The following XIRP2 variants were observed in gnomAD, a reference collection of about 807,000 sequenced individuals.
XIRP2 encodes the protein xin actin-binding repeat-containing protein 2.
XIRP2 carries 236 observed loss-of-function variants against 277.0 expected under a neutral mutation model. The ratio of observed to expected loss-of-function variants is 0.85; its 90% CI spans 0.77 to 0.95. The LOEUF is 0.95. Among genes scored for constraint, XIRP2 ranks in the 40% least tolerant of loss-of-function variants. The pLI, the probability that XIRP2 is intolerant of heterozygous loss-of-function variation, is 0.00. For missense variants in XIRP2, 4,640 were observed against 4,157.5 expected, an observed-to-expected ratio of 1.12 and a Z score of -3.19; for synonymous variants, 1,490 against 1,416.5, an observed-to-expected ratio of 1.05 and a Z score of -1.17.
chr2:167,101,602 C>T (rs1263249140), intron 2 of XIRP2, among the ~76,000 whole-genome samples: 5 of 152,140 alleles, frequency 3.3e-5, no homozygotes, highest in Admixed American at 2.0e-4. Context: ...TACTTCACTT[C>T]GCATAATGGT....
chr2:167,219,453 T>G (rs999016622), intron 5 of XIRP2, among the ~76,000 whole-genome samples: 1 of 152,168 alleles, frequency 6.6e-6, no homozygotes, highest in East Asian at 1.9e-4. Flanking sequence ...ATATCAGTAA[T>G]GAATTTATAG....
chr2:166,945,935 A>G (rs1685851912), intron 2 of XIRP2, among the ~76,000 whole-genome samples: 1 of 152,032 alleles, frequency 6.6e-6, no homozygotes, highest in Non-Finnish European at 1.5e-5. Context: ...CAGTGGGAGA[A>G]CCAAAGTATC....
chr2:166,902,773 TC>T (rs1375970229), intron 1 of XIRP2, among the ~76,000 whole-genome samples: 1 of 152,062 alleles, frequency 6.6e-6, no homozygotes, highest in Non-Finnish European at 1.5e-5. Context: ...AGAGGGCAGA[TC>T]CTGGAGTTCC....
At chr2:167,031,782 C>T (rs999913963) in intron 2 of XIRP2, among the ~76,000 whole-genome samples, 18 of 152,082 alleles carry the variant, frequency 1.2e-4, no homozygotes, top group South Asian at 8.3e-4. Flanking sequence ...AACTAGAAAC[C>T]ACTGCTCAAT....
intron 3 of XIRP2, among the ~76,000 whole-genome samples, chr2:167,159,529 C>T (rs1354068034): frequency 2.6e-5 from 4 of 151,970 alleles, no homozygotes; most frequent in Non-Finnish European, 5.9e-5. Flanking sequence ...ATTATTTTCT[C>T]TTATTGTGAG....
intron 3 of XIRP2, among the ~76,000 whole-genome samples, chr2:167,178,266 T>G (rs770293975): frequency 6.4e-4 from 97 of 152,256 alleles, no homozygotes; most frequent in Admixed American, 2.5e-3. Flanking sequence ...GAAGATGTTT[T>G]ATGCATAATT....
intron 2 of XIRP2, among the ~76,000 whole-genome samples, chr2:166,935,360 A>G (rs1387923910): frequency 6.6e-6 from 1 of 152,220 alleles, no homozygotes; most frequent in Non-Finnish European, 1.5e-5. Flanking sequence ...ATAGAAGTAC[A>G]GATAGCTAGA....
chr2:167,258,620 G>T lies in XIRP2; in HGVS notation c.*803G>T. 6.2e-7 allele frequency: 1 copy of T among 1,612,682 alleles called. No homozygotes were observed. On this transcript the variant is annotated 3_prime_UTR_variant, in exon 11 of 11. Coordinates refer to ENST00000409195, the MANE Select transcript of XIRP2 (RefSeq NM_152381.6). ...AGAAGTTTTACAGGTTACTAACACT[G>T]ATGATGAGATGATGCCAGAAAATCA...
At chr2:166,910,491 AT>A (rs1684670290) in intron 2 of XIRP2, among the ~76,000 whole-genome samples, 1 of 151,246 alleles carries the variant, frequency 6.6e-6, no homozygotes, top group South Asian at 2.1e-4. Context: ...CATCTATTTG[AT>A]TCTTCTCTCT....
At chr2:167,089,942 A>G (rs1690092277) in intron 2 of XIRP2, among the ~76,000 whole-genome samples, 2 of 152,184 alleles carry the variant, frequency 1.3e-5, no homozygotes, top group African/African-American at 4.8e-5. Context: ...AATTGCAGAC[A>G]TCTGGCATAG....
intron 2 of XIRP2, among the ~76,000 whole-genome samples, chr2:167,129,919 A>C (rs1054886052): frequency 6.6e-6 from 1 of 151,916 alleles, no homozygotes; most frequent in Non-Finnish European, 1.5e-5. Flanking sequence ...GCTCTCTTTC[A>C]AGTTTGTTTC....
In XIRP2 at chr2:166,918,429, T is replaced by C. The variant is rs141753686; in HGVS notation, c.408+14539T>C. On this transcript the variant is annotated intron_variant, in intron 2 of 10. Transcript: ENST00000409195. ...TTAGTTTATTCTGCTTGTGAGAAGA[T>C]TCTCGAAAAGAAAATGATAGAGTAT... 1.5e-3 allele frequency among the ~76,000 whole-genome samples: 225 copies of C among 152,166 alleles called. 7 individuals are homozygous for C. The East Asian group carries it at 0.039, about 27-fold the overall frequency.
chr2:167,079,921 TG>T (rs1574232973), intron 2 of XIRP2, among the ~76,000 whole-genome samples: 2 of 152,230 alleles, frequency 1.3e-5, no homozygotes, highest in East Asian at 1.9e-4. Context: ...TTTTGTTTTT[TG>T]TTTTTTTGGG....
In XIRP2 at chr2:167,242,729, C is replaced by T; in HGVS notation, c.1337C>T (p.Ser446Leu). 1.9e-6 allele frequency: 3 copies of T among 1,614,104 alleles called. No individual in the cohort carries two copies. The highest frequency in any genetic ancestry group is 2.5e-6 in the Non-Finnish European group (3 of 1,179,986). ...STLAQINATS[S>L]GMTEEFPPPP... ...CTGGCACAAATTAATGCTACTTCTT[C>T]AGGAATGACAGAAGAATTTCCTCCT... The change falls in exon 9 of 11, where the codon TCA becomes TTA. Residue 446 changes from serine to leucine, a missense_variant. Physicochemically the swap from Ser to Leu is moderately radical, Grantham distance 145. Coordinates refer to ENST00000409195, the MANE Select transcript of XIRP2 (RefSeq NM_152381.6).
chr2:167,118,736 A>G (rs937486203), intron 2 of XIRP2, among the ~76,000 whole-genome samples: 15 of 152,078 alleles, frequency 9.9e-5, no homozygotes, highest in Non-Finnish European at 1.8e-4. Flanking sequence ...TAAATTTCTG[A>G]TCTTTATAAA....
At chr2:167,145,661 A>G (rs1691843735) in intron 3 of XIRP2, among the ~76,000 whole-genome samples, 1 of 152,234 alleles carries the variant, frequency 6.6e-6, no homozygotes. Flanking sequence ...TCAGGATGCT[A>G]GAAGGAAGCA....
chr2:167,189,374 G>A lies in XIRP2; in HGVS notation c.563-21361G>A, dbSNP rs1052404078. On this transcript the variant is annotated intron_variant, in intron 3 of 10. Coordinates refer to ENST00000409195, the MANE Select transcript of XIRP2 (RefSeq NM_152381.6). Reference sequence around the variant, plus strand: ...TAGATTTATTAATTTATAGAACAGGGCAGACACTTAATAAGTGCCCAGCAG... The same window carrying A: ...TAGATTTATTAATTTATAGAACAGGACAGACACTTAATAAGTGCCCAGCAG... Among the ~76,000 whole-genome samples, 14 of 152,134 alleles carry A rather than the reference G, an allele frequency of 9.2e-5. No homozygotes were observed. The East Asian group carries it at 1.7e-3, about 19-fold the overall frequency.
chr2:167,021,319 A>C (rs1687974690), intron 2 of XIRP2, among the ~76,000 whole-genome samples: 1 of 152,224 alleles, frequency 6.6e-6, no homozygotes, highest in Non-Finnish European at 1.5e-5. Flanking sequence ...AACTTCTACA[A>C]ACAAATATAA....
chr2:167,226,423 T>G (rs1470184758), intron 5 of XIRP2, among the ~76,000 whole-genome samples: 1 of 152,144 alleles, frequency 6.6e-6, no homozygotes, highest in Non-Finnish European at 1.5e-5. Context: ...TTTGTAGAAA[T>G]TGAATCAACA....
Sources: allele counts gnomAD v4.1 joint callset (sites outside exome capture counted in the v4.1 genomes callset), GRCh38; gene constraint gnomAD v4.1.1; transcripts MANE v1.5; gene names NCBI Gene and HGNC (gene_info 2026-07-23, HGNC 2026-07-21).